The following SDK1 variants were observed in gnomAD, a reference collection of about 807,000 sequenced individuals.
SDK1 encodes the protein protein sidekick-1.
A neutral mutation model predicts 245.5 loss-of-function variants in SDK1; 157 were observed. The observed-to-expected ratio is 0.64, with a 90% CI of 0.56 to 0.73. The LOEUF (loss-of-function observed/expected upper bound fraction) is 0.73. Among genes scored for constraint, SDK1 ranks in the 30% least tolerant of loss-of-function variants. The pLI is 0.00. For synonymous variants in SDK1, 1,647 were observed against 1,278.5 expected, an observed-to-expected ratio of 1.29 and a Z score of -6.15; for missense variants, 3,583 against 3,002.3, an observed-to-expected ratio of 1.19 and a Z score of -4.52.
At chr7:3,712,449 G>T (rs549229667) in intron 4 of SDK1, among the ~76,000 whole-genome samples, 5 of 152,306 alleles carry the variant, frequency 3.3e-5, no homozygotes, top group African/African-American at 7.2e-5. Flanking sequence ...ATTTCATTAT[G>T]TATTACAGTG....
intron 1 of SDK1, among the ~76,000 whole-genome samples, chr7:3,576,464 G>A (rs774231602): frequency 8.6e-5 from 13 of 152,004 alleles, no homozygotes; most frequent in East Asian, 3.8e-4. Context: ...AGAAGTCCCC[G>A]TTTGCAGTGG....
rs549366332 is a variant in SDK1 at position 3,329,995 on chromosome 7, C to G, written c.298+28111C>G. On this transcript the variant is annotated intron_variant, in intron 1 of 44. Transcript: ENST00000404826. ...TTGGTATGCATAGGAGGTCCTGGAACCAATCCGCTATGGATACCAAGTAGA... is the reference window on the plus strand; with the variant it reads ...TTGGTATGCATAGGAGGTCCTGGAAGCAATCCGCTATGGATACCAAGTAGA... Among the ~76,000 whole-genome samples, 4 of 152,308 alleles carry G rather than the reference C, an allele frequency of 2.6e-5. No individual in the cohort carries two copies. In the East Asian group the frequency reaches 7.7e-4, roughly 29 times the overall value.
intron 4 of SDK1, among the ~76,000 whole-genome samples, chr7:3,808,981 T>C (rs1271935381): frequency 6.6e-6 from 1 of 152,186 alleles, no homozygotes; most frequent in Non-Finnish European, 1.5e-5. Flanking sequence ...GCACTGAGGA[T>C]CCAGCATCAC....
chr7:3,663,386 C>A (rs1445389961), intron 4 of SDK1, among the ~76,000 whole-genome samples: 1 of 152,108 alleles, frequency 6.6e-6, no homozygotes, highest in Non-Finnish European at 1.5e-5. Context: ...GTGTTTTTAA[C>A]TAAATGAAAT....
chr7:3,989,265 A>G (rs2128140169), intron 14 of SDK1, among the ~76,000 whole-genome samples: 1 of 152,306 alleles, frequency 6.6e-6, no homozygotes, highest in Non-Finnish European at 1.5e-5. Flanking sequence ...GGCGGCAGAC[A>G]AGAGAAGACA....
intron 30 of SDK1, among the ~76,000 whole-genome samples, chr7:4,153,393 C>G (rs150551361): frequency 0.032 from 4,844 of 152,190 alleles, 243 homozygotes; most frequent in African/African-American, 0.11. Context: ...CGAGCCCATC[C>G]TGGCCGATAT....
At chr7:3,794,934 TA>T (rs147994533) in intron 4 of SDK1, among the ~76,000 whole-genome samples, 8,708 of 147,256 alleles carry the variant, frequency 0.059, 706 homozygotes, top group African/African-American at 0.19. Flanking sequence ...GCTTTTTATT[TA>T]AAAAAAAAAA....
intron 1 of SDK1, among the ~76,000 whole-genome samples, chr7:3,404,157 T>C (rs965287970): frequency 1.3e-5 from 2 of 151,842 alleles, no homozygotes; most frequent in Non-Finnish European, 2.9e-5. Flanking sequence ...ATCAATAGAC[T>C]TGCTGGACAT....
rs114364093 is a variant in SDK1 at position 3,725,483 on chromosome 7, C to G, written c.713+83378C>G. Among the ~76,000 whole-genome samples, 816 of 152,304 alleles carry G rather than the reference C, an allele frequency of 5.4e-3. 6 individuals are homozygous for G. The highest frequency in any genetic ancestry group is 0.018 in the African/African-American group (767 of 41,556). On this transcript the variant is annotated intron_variant, in intron 4 of 44. Transcript: ENST00000404826. ...CAAAAAAATTCTCTATTCATAGTTA[C>G]ACAAGAAACTGTGATGAGATCCCCT...
chr7:3,447,338 T>C (rs1177406815), intron 1 of SDK1, among the ~76,000 whole-genome samples: 1 of 152,212 alleles, frequency 6.6e-6, no homozygotes, highest in Non-Finnish European at 1.5e-5. Context: ...TCTTCTCAAA[T>C]AATGTGATAT....
chr7:4,246,883 C>T (rs578048537), intron 44 of SDK1, among the ~76,000 whole-genome samples: 13 of 152,312 alleles, frequency 8.5e-5, no homozygotes, highest in South Asian at 2.1e-4. Flanking sequence ...TCCTGTGCGG[C>T]GTGACCCAAA....
chr7:3,736,675 T>TTA (rs1779326130), intron 4 of SDK1, among the ~76,000 whole-genome samples: 1 of 152,124 alleles, frequency 6.6e-6, no homozygotes, highest in African/African-American at 2.4e-5. Context: ...ATATATATGA[T>TTA]TATATATATA....
intron 5 of SDK1, among the ~76,000 whole-genome samples, chr7:3,826,226 C>T (rs1318011121): frequency 6.6e-6 from 1 of 152,144 alleles, no homozygotes; most frequent in Non-Finnish European, 1.5e-5. Flanking sequence ...TGCATGAACA[C>T]CTAGTTACTT....
At chr7:3,987,358 A>C in intron 14 of SDK1, 36 bp downstream of exon 14, 1 of 1,609,148 alleles carries the variant, frequency 6.2e-7, no homozygotes, top group Non-Finnish European at 8.5e-7. Flanking sequence ...CATGGACGAT[A>C]ATCAGATTTT....
chr7:3,632,760 C>T (rs1484524489), intron 2 of SDK1, among the ~76,000 whole-genome samples: 2 of 152,136 alleles, frequency 1.3e-5, no homozygotes, highest in East Asian at 1.9e-4. Flanking sequence ...TGCCTGATGC[C>T]TAGGGCCTAT....
At chr7:3,856,633 G>C (rs1174718888) in intron 5 of SDK1, among the ~76,000 whole-genome samples, 1 of 151,634 alleles carries the variant, frequency 6.6e-6, no homozygotes, top group African/African-American at 2.4e-5. Flanking sequence ...TCTCCTAAAA[G>C]TACAAAAATT....
intron 14 of SDK1, among the ~76,000 whole-genome samples, chr7:4,006,495 A>C (rs1232060505): frequency 6.6e-6 from 1 of 152,020 alleles, no homozygotes. Context: ...TTTTAAAGGG[A>C]TGTTGCTTAT....
At chr7:4,176,904 G>A (rs780586338) in intron 34 of SDK1, among the ~76,000 whole-genome samples, 1 of 152,194 alleles carries the variant, frequency 6.6e-6, no homozygotes, top group African/African-American at 2.4e-5. Context: ...AATAAACCAC[G>A]TTGTTTCTCC....
chr7:4,225,299 C>G (rs1253243083), intron 40 of SDK1, among the ~76,000 whole-genome samples: 1 of 152,164 alleles, frequency 6.6e-6, no homozygotes, highest in East Asian at 1.9e-4. Context: ...TCAACTACCT[C>G]AAAATGATAT....
Sources: gnomAD v4.1 joint callset for allele counts (sites outside exome capture counted in the v4.1 genomes callset) on GRCh38, gnomAD v4.1.1 for gene constraint, MANE v1.5 for transcripts, NCBI Gene and HGNC (gene_info 2026-07-23, HGNC 2026-07-21) for gene names.